RBFOX1: variants seen among roughly 807,000 people sequenced by gnomAD.
The protein encoded by RBFOX1 is RNA binding protein fox-1 homolog 1.
Under a neutral mutation model 57.7 loss-of-function variants are expected in RBFOX1, and 8 were observed. The ratio of observed to expected loss-of-function variants is 0.14; its 90% CI spans 0.08 to 0.25. RBFOX1 has a LOEUF of 0.25. Ranked by LOEUF, RBFOX1 falls within the 10% of genes least tolerant of loss-of-function variation. RBFOX1 has a pLI of 1.00. For missense variants in RBFOX1, 611 were observed against 548.5 expected (o/e 1.11, Z -1.14); for synonymous variants, 326 against 222.4 (o/e 1.47, Z -4.15).
At chr16:6,254,495 C>G (rs1430290131) in intron 1 of RBFOX1, among the ~76,000 whole-genome samples, 1 of 152,062 alleles carries the variant, frequency 6.6e-6, no homozygotes, top group South Asian at 2.1e-4. Context: ...TTGGTAATAA[C>G]CCTTGCTGAG....
intron 4 of RBFOX1, among the ~76,000 whole-genome samples, chr16:5,909,483 C>G (rs552686899): frequency 6.6e-6 from 1 of 152,324 alleles, no homozygotes; most frequent in Non-Finnish European, 1.5e-5. Context: ...GGAAGGGCCT[C>G]CCGTCAGTCA....
intron 1 of RBFOX1, among the ~76,000 whole-genome samples, chr16:6,207,166 G>T (rs2097260919): frequency 2.6e-5 from 4 of 152,258 alleles, no homozygotes; most frequent in Non-Finnish European, 4.4e-5. Context: ...TAACCCTGCT[G>T]CTGCTGGACT....
chr16:7,681,096 T>G (rs907125986), intron 14 of RBFOX1, among the ~76,000 whole-genome samples: 1 of 152,204 alleles, frequency 6.6e-6, no homozygotes, highest in East Asian at 1.9e-4. Context: ...AGATTTGTGT[T>G]TCTTAGAACC....
At chr16:5,649,169 A>G (rs2049147769) in intron 3 of RBFOX1, among the ~76,000 whole-genome samples, 1 of 151,980 alleles carries the variant, frequency 6.6e-6, no homozygotes, top group African/African-American at 2.4e-5. Context: ...ATATGTACAT[A>G]TGTATATATG....
chr16:6,735,716 G>T (rs1295719108), intron 3 of RBFOX1, among the ~76,000 whole-genome samples: 3 of 152,128 alleles, frequency 2.0e-5, no homozygotes, highest in Admixed American at 1.3e-4. Context: ...ACTGAATTTG[G>T]TTATGAAAAG....
chr16:6,524,858 A>C (rs1233939833), intron 2 of RBFOX1, among the ~76,000 whole-genome samples: 1 of 152,076 alleles, frequency 6.6e-6, no homozygotes, highest in East Asian at 1.9e-4. Context: ...ATGTGTCTCC[A>C]AATCTCCCTC....
intron 4 of RBFOX1, among the ~76,000 whole-genome samples, chr16:7,433,909 G>C (rs2098702221): frequency 6.6e-6 from 1 of 152,224 alleles, no homozygotes. Flanking sequence ...GGAGTTCAGA[G>C]AAAGGTGGTA....
At chr16:6,678,379 C>T (rs2058092100) in intron 3 of RBFOX1, among the ~76,000 whole-genome samples, 1 of 152,016 alleles carries the variant, frequency 6.6e-6, no homozygotes, top group African/African-American at 2.4e-5. Context: ...CCAACTCAGC[C>T]TCCTAAAGTG....
chr16:5,908,514 G>A (rs960567936), intron 4 of RBFOX1, among the ~76,000 whole-genome samples: 2 of 151,604 alleles, frequency 1.3e-5, no homozygotes, highest in African/African-American at 2.4e-5. Flanking sequence ...CACCATGCCC[G>A]GCTATTTTTT....
intron 2 of RBFOX1, among the ~76,000 whole-genome samples, chr16:6,429,310 G>A (rs1431836502): frequency 2.0e-5 from 3 of 152,238 alleles, no homozygotes; most frequent in African/African-American, 4.8e-5. Flanking sequence ...ATCTTTGCCA[G>A]CTCCCCACCA....
intron 3 of RBFOX1, among the ~76,000 whole-genome samples, chr16:6,899,319 G>C (rs943068669): frequency 1.3e-5 from 2 of 152,086 alleles, no homozygotes; most frequent in Admixed American, 1.3e-4. Context: ...GTATGTTTCA[G>C]GGTTTCCTTG....
chr16:6,135,981 G>C (rs2096664356), intron 1 of RBFOX1, among the ~76,000 whole-genome samples: 1 of 151,852 alleles, frequency 6.6e-6, no homozygotes, highest in Non-Finnish European at 1.5e-5. Context: ...TTTTAGTAGA[G>C]ATGGGTTTTC....
chr16:6,110,195 CTT>C (rs3049169), intron 1 of RBFOX1, among the ~76,000 whole-genome samples: 2 of 128,254 alleles, frequency 1.6e-5, no homozygotes, highest in Non-Finnish European at 1.6e-5. Flanking sequence ...TTTTCTTCTT[CTT>C]TTTTTTTTTT....
chr16:5,771,400 G>GTTTGT lies in RBFOX1; in HGVS notation c.319-95884_319-95880dup, dbSNP rs376158986. 7.5e-3 allele frequency among the ~76,000 whole-genome samples: 1,139 copies of GTTTGT among 152,242 alleles called. 17 individuals are homozygous for GTTTGT. The highest frequency in any genetic ancestry group is 0.024 in the African/African-American group (979 of 41,534). On this transcript the variant is annotated intron_variant, in intron 3 of 19. Transcript: ENST00000641259. ...TATCTCAAGATAAGTATTTCATTGT[G>GTTTGT]TTTGTTTTGTTTTGTTTTGTTTTCT...
chr16:6,506,257 G>T (rs1380026400), intron 2 of RBFOX1, among the ~76,000 whole-genome samples: 1 of 152,130 alleles, frequency 6.6e-6, no homozygotes, highest in Non-Finnish European at 1.5e-5. Flanking sequence ...GGACCATGTG[G>T]GATGGGGGAG....
chr16:6,234,114 G>A (rs2097486981), intron 1 of RBFOX1, among the ~76,000 whole-genome samples: 1 of 152,088 alleles, frequency 6.6e-6, no homozygotes, highest in African/African-American at 2.4e-5. Context: ...ACTCATGAGG[G>A]GAGGAGCCTG....
At chr16:5,542,418 T>TC (rs1428838123) in intron 2 of RBFOX1, among the ~76,000 whole-genome samples, 11 of 150,948 alleles carry the variant, frequency 7.3e-5, no homozygotes, top group Admixed American at 1.3e-4. Flanking sequence ...CTGGCTAATT[T>TC]TTTTTTTTTT....
chr16:6,909,713 G>T (rs962318007), intron 3 of RBFOX1, among the ~76,000 whole-genome samples: 1 of 152,308 alleles, frequency 6.6e-6, no homozygotes, highest in East Asian at 1.9e-4. Flanking sequence ...ATGCTAAGTC[G>T]TGGCAGTCAC....
intron 4 of RBFOX1, among the ~76,000 whole-genome samples, chr16:7,514,808 A>C (rs2075994686): frequency 6.6e-6 from 1 of 152,174 alleles, no homozygotes; most frequent in African/African-American, 2.4e-5. Context: ...GTCTACAAGG[A>C]GCCTTAGCTC....
Sources: allele counts gnomAD v4.1 joint callset (sites outside exome capture counted in the v4.1 genomes callset), GRCh38; gene constraint gnomAD v4.1.1; transcripts MANE v1.5; gene names NCBI Gene and HGNC (gene_info 2026-07-23, HGNC 2026-07-21).